The following CADPS2 variants were observed in gnomAD, a reference collection of about 807,000 sequenced individuals.
CADPS2 encodes calcium dependent secretion activator 2, also known as calcium-dependent secretion activator 2.
CADPS2 carries 93 observed loss-of-function variants against 172.5 expected under a neutral mutation model. The ratio of observed to expected loss-of-function variants is 0.54; its 90% CI spans 0.46 to 0.64. The LOEUF (loss-of-function observed/expected upper bound fraction) is 0.64, where lower values mean the gene tolerates loss of function less well. Among genes scored for constraint, CADPS2 ranks in the 30% least tolerant of loss-of-function variants. CADPS2 has a pLI of 0.00. For missense variants in CADPS2, 1,420 were observed against 1,565.9 expected, an observed-to-expected ratio of 0.91 and a Z score of 1.57; for synonymous variants, 546 against 555.2, an observed-to-expected ratio of 0.98 and a Z score of 0.23.
chr7:122,688,909 T>C (rs534741330), intron 2 of CADPS2, among the ~76,000 whole-genome samples: 3 of 152,268 alleles, frequency 2.0e-5, no homozygotes, highest in African/African-American at 7.2e-5. Flanking sequence ...ACATAAGCTT[T>C]GGTACATAGG....
Position 122,871,153 on chromosome 7 carries a change from C to A in CADPS2, c.339+14846G>T, listed in dbSNP as rs200238478. Among the ~76,000 whole-genome samples, 19 of 150,190 alleles carry A rather than the reference C, an allele frequency of 1.3e-4. No homozygotes were observed. In the East Asian group the frequency reaches 3.3e-3, roughly 26 times the overall value. ...TCAAACAAAGGAAGACAGGGGACAA[C>A]GGAGGAGGGGAGAGATTGCCACAGT... On this transcript the variant is annotated intron_variant, in intron 1 of 29. Coordinates refer to ENST00000449022, the MANE Select transcript of CADPS2 (RefSeq NM_017954.11).
chr7:122,761,347 C>A (rs1156894115), intron 1 of CADPS2, among the ~76,000 whole-genome samples: 1 of 152,112 alleles, frequency 6.6e-6, no homozygotes, highest in Non-Finnish European at 1.5e-5. Context: ...TCAAACTAAG[C>A]CCACAAGATG....
At chr7:122,832,211 T>C (rs1283695557) in intron 1 of CADPS2, among the ~76,000 whole-genome samples, 1 of 151,828 alleles carries the variant, frequency 6.6e-6, no homozygotes, top group Non-Finnish European at 1.5e-5. Context: ...TTACTTTCTT[T>C]AAAGTATTTT....
intron 2 of CADPS2, chr7:122,702,435 C>T (rs906333689): frequency 8.7e-6 from 14 of 1,613,784 alleles, no homozygotes; most frequent in East Asian, 6.7e-5. Flanking sequence ...CCTCCACGTT[C>T]GATGAGGGCC....
chr7:122,883,853 ATGT>A (rs1433944657), intron 1 of CADPS2, among the ~76,000 whole-genome samples: 2 of 152,224 alleles, frequency 1.3e-5, no homozygotes, highest in African/African-American at 4.8e-5. Context: ...CATAGAATAT[ATGT>A]TGTATTTTGC....
At chr7:122,743,744 G>C (rs1286000980) in intron 1 of CADPS2, among the ~76,000 whole-genome samples, 1 of 152,152 alleles carries the variant, frequency 6.6e-6, no homozygotes, top group Non-Finnish European at 1.5e-5. Context: ...ATATTAATAG[G>C]AAAACGCTAA....
intron 2 of CADPS2, among the ~76,000 whole-genome samples, chr7:122,699,708 T>C (rs2085720684): frequency 6.6e-6 from 1 of 152,180 alleles, no homozygotes; most frequent in Admixed American, 6.5e-5. Context: ...TGTACAAATG[T>C]AGTAAGACTG....
At position 122,637,171 on chromosome 7, in the gene CADPS2, C is replaced by CTTTTTTTTTTTTTTTTTTTT. The variant is rs71161313; in HGVS notation, c.787-7863_787-7844dup. On this transcript the variant is annotated intron_variant, in intron 3 of 29. Transcript: ENST00000449022. ...CTTCTGACTGCATTATGAAATTTTG[C>CTTTTTTTTTTTTTTTTTTTT]TTTTTTTTTTTTTTTTTTTTTTTTT... is the stretch of plus-strand genomic sequence containing the variant. Among the ~76,000 whole-genome samples the CTTTTTTTTTTTTTTTTTTTT allele has an allele frequency of 3.7e-5, 2 of 53,900 alleles. 1 individual carries two copies. Among genetic ancestry groups the CTTTTTTTTTTTTTTTTTTTT allele is most frequent in the African/African-American group, 1.5e-4 (2 of 13,630 alleles). The allele number at this position is 53,900 out of a possible 152,430, so 35.4% of individuals were successfully genotyped here.
At chr7:122,639,037 C>T (rs1204793548) in intron 3 of CADPS2, among the ~76,000 whole-genome samples, 2 of 152,162 alleles carry the variant, frequency 1.3e-5, no homozygotes, top group Non-Finnish European at 2.9e-5. Flanking sequence ...CCAAAGGGTA[C>T]TAACTTCTGT....
chr7:122,411,085 A>ATC (rs372300012), intron 19 of CADPS2, among the ~76,000 whole-genome samples: 3 of 151,716 alleles, frequency 2.0e-5, no homozygotes, highest in Non-Finnish European at 2.9e-5. Context: ...ACTGCCTATC[A>ATC]TCTCTCTCTC....
At chr7:122,863,487 A>C (rs1817495677) in intron 1 of CADPS2, among the ~76,000 whole-genome samples, 1 of 152,134 alleles carries the variant, frequency 6.6e-6, no homozygotes, top group Non-Finnish European at 1.5e-5. Context: ...CACCCCCACA[A>C]ATGTTTTAAA....
intron 1 of CADPS2, among the ~76,000 whole-genome samples, chr7:122,845,609 A>G (rs1811781373): frequency 6.6e-6 from 1 of 152,210 alleles, no homozygotes; most frequent in South Asian, 2.1e-4. Context: ...GTCACACACC[A>G]GGCCAGCAAG....
chr7:122,404,319 G>T (rs368514594), intron 20 of CADPS2, among the ~76,000 whole-genome samples: 2 of 152,140 alleles, frequency 1.3e-5, no homozygotes, highest in Non-Finnish European at 2.9e-5. Flanking sequence ...CAAAGGACAT[G>T]AACTCATCAT....
intron 21 of CADPS2, 55 bp downstream of exon 21, chr7:122,393,386 A>G: frequency 1.2e-6 from 2 of 1,613,234 alleles, no homozygotes; most frequent in Non-Finnish European, 1.7e-6. Context: ...GTGTGAAGTC[A>G]TAAGGTCAGG....
intron 6 of CADPS2, among the ~76,000 whole-genome samples, chr7:122,596,534 G>A (rs531965906): frequency 6.4e-4 from 98 of 152,190 alleles, no homozygotes; most frequent in African/African-American, 1.9e-3. Context: ...AAGGAAAAGC[G>A]TGAAATGTAA....
intron 11 of CADPS2, among the ~76,000 whole-genome samples, chr7:122,484,334 A>C (rs1409083967): frequency 6.6e-6 from 1 of 152,162 alleles, no homozygotes; most frequent in Non-Finnish European, 1.5e-5. Flanking sequence ...GACCAAAGAA[A>C]GGATAGCCCA....
At chr7:122,420,271 A>C (rs893684131) in intron 17 of CADPS2, among the ~76,000 whole-genome samples, 6 of 152,226 alleles carry the variant, frequency 3.9e-5, no homozygotes, top group African/African-American at 1.4e-4. Flanking sequence ...CTCAGAACTT[A>C]TTATATGTGA....
At chr7:122,617,020 A>G (rs1309484439) in intron 5 of CADPS2, among the ~76,000 whole-genome samples, 2 of 152,210 alleles carry the variant, frequency 1.3e-5, no homozygotes, top group Non-Finnish European at 2.9e-5. Context: ...TCGTAAGAGC[A>G]TTGCTTCATA....
At position 122,581,285 on chromosome 7, in the gene CADPS2, C is replaced by T; in HGVS notation, c.1229G>A (p.Gly410Glu). 3 of 1,611,632 alleles carry T rather than the reference C, an allele frequency of 1.9e-6. No homozygotes were observed. Among genetic ancestry groups the T allele is most frequent in the Non-Finnish European group, 2.5e-6 (3 of 1,178,164 alleles). ...GGTGGTGGTGAAATCTCCTTGAGTCCCCCATCTGTAATGAAGTAAAAAAAA... is the reference window on the plus strand; with the variant it reads ...GGTGGTGGTGAAATCTCCTTGAGTCTCCCATCTGTAATGAAGTAAAAAAAA... ...DQAEASRPQW[G>E]TQGDFTTTHP... The change falls in exon 7 of 30, where the codon GGG becomes GAG. Residue 410 changes from glycine (G) to glutamate (E), a missense_variant. Gly to Glu is a moderately conservative substitution (Grantham distance 98, BLOSUM62 -2). Transcript: ENST00000449022.
Sources: gnomAD v4.1 joint callset for allele counts (sites outside exome capture counted in the v4.1 genomes callset) on GRCh38, gnomAD v4.1.1 for gene constraint, MANE v1.5 for transcripts, NCBI Gene and HGNC (gene_info 2026-07-23, HGNC 2026-07-21) for gene names.